ARL15: variants seen among roughly 807,000 people sequenced by gnomAD.
ARL15 encodes ADP-ribosylation factor-like protein 15.
Under a neutral mutation model 25.2 loss-of-function variants are expected in ARL15, and 19 were observed. That is an observed-to-expected ratio of 0.75 (90% CI 0.53 to 1.10). The LOEUF (loss-of-function observed/expected upper bound fraction) is 1.10, where lower values mean the gene tolerates loss of function less well. Ranked by LOEUF, ARL15 falls within the 50% of genes least tolerant of loss-of-function variation. The probability of loss-of-function intolerance (pLI) is 0.00; values close to 1 mark genes in which losing one functional copy is unlikely to be tolerated. For synonymous variants in ARL15, 94 were observed against 86.8 expected (o/e 1.08, Z -0.46); for missense variants, 220 against 246.0 (o/e 0.89, Z 0.71).
intron 4 of ARL15, among the ~76,000 whole-genome samples, chr5:54,021,071 C>G (rs1749586308): frequency 6.6e-6 from 1 of 152,206 alleles, no homozygotes. Context: ...CACAGTGGCT[C>G]ACGCCTGTAA....
intron 4 of ARL15, among the ~76,000 whole-genome samples, chr5:53,965,797 G>C (rs1428725584): frequency 1.3e-5 from 2 of 152,030 alleles, no homozygotes; most frequent in Non-Finnish European, 2.9e-5. Context: ...AAACATTTTA[G>C]AAACTTGTCT....
chr5:53,998,480 T>C (rs1748756281), intron 4 of ARL15, among the ~76,000 whole-genome samples: 1 of 152,142 alleles, frequency 6.6e-6, no homozygotes, highest in South Asian at 2.1e-4. Flanking sequence ...GTGGCTACTG[T>C]ATACAAGGCA....
chr5:54,172,953 T>C (rs1041989593), intron 1 of ARL15, among the ~76,000 whole-genome samples: 2 of 152,106 alleles, frequency 1.3e-5, no homozygotes, highest in African/African-American at 4.8e-5. Context: ...GCACAGTGGC[T>C]CAGGCCTGTA....
intron 1 of ARL15, chr5:54,307,887 C>T (rs1758799058): frequency 6.6e-6 from 1 of 152,158 alleles, no homozygotes; most frequent in South Asian, 2.1e-4. Context: ...AGGGAACTTA[C>T]TCTAATCCAT....
chr5:53,886,782 G>T, intron 4 of ARL15, 69 bp from the exon 5 acceptor site: 2 of 1,410,750 alleles, frequency 1.4e-6, no homozygotes. Flanking sequence ...TCAAAATTCT[G>T]AGGGATAAAG....
In ARL15 at chr5:54,154,385, TTA is replaced by T. The variant is rs1754158024; in HGVS notation, c.253+193_253+194del. On this transcript the variant is annotated intron_variant, in intron 3 of 4. Coordinates refer to ENST00000504924, the MANE Select transcript of ARL15 (RefSeq NM_019087.3). ...GATTCATTCAAAAAACCCCCAAAGT[TTA>T]TGTTACTTAGAACTCTTCAACAATT... is the stretch of plus-strand genomic sequence containing the variant. 7 of 446,514 alleles carry T rather than the reference TTA, an allele frequency of 1.6e-5. No individual in the cohort carries two copies. The South Asian group carries it at 3.0e-4, about 19-fold the overall frequency. 27.7% of individuals were successfully genotyped at this position (446,514 alleles called of 1,614,324 possible). A position where few individuals can be genotyped will look rare whatever the true frequency, so the allele number is the denominator to read the frequency against.
At chr5:54,033,194 T>A (rs938784725) in intron 4 of ARL15, among the ~76,000 whole-genome samples, 5 of 151,624 alleles carry the variant, frequency 3.3e-5, no homozygotes, top group Non-Finnish European at 7.4e-5. Flanking sequence ...ATGACTGTAA[T>A]CCCAGCTACT....
At chr5:54,194,679 TGAGGAGAG>T (rs138006794) in intron 1 of ARL15, among the ~76,000 whole-genome samples, 2 of 152,230 alleles carry the variant, frequency 1.3e-5, no homozygotes, top group Non-Finnish European at 2.9e-5. Context: ...TGTGGTAACG[TGAGGAGAG>T]GAGGGAGGTA....
intron 4 of ARL15, among the ~76,000 whole-genome samples, chr5:54,024,389 A>T (rs1462255548): frequency 6.6e-6 from 1 of 152,156 alleles, no homozygotes; most frequent in Non-Finnish European, 1.5e-5. Flanking sequence ...TGTGAAGAAA[A>T]CCAAATTCGT....
chr5:54,105,988 T>C (rs890244267), intron 4 of ARL15, among the ~76,000 whole-genome samples: 2 of 152,042 alleles, frequency 1.3e-5, no homozygotes, highest in African/African-American at 4.8e-5. Context: ...TTCTATAAGA[T>C]AAATATAAGC....
intron 4 of ARL15, among the ~76,000 whole-genome samples, chr5:53,988,131 A>G (rs1181999542): frequency 7.1e-6 from 1 of 140,966 alleles, no homozygotes; most frequent in Non-Finnish European, 1.6e-5. Flanking sequence ...AATAATAATG[A>G]TAATAATAAT....
intron 4 of ARL15, among the ~76,000 whole-genome samples, chr5:53,898,659 CT>C (rs1353591577): frequency 4.6e-5 from 7 of 151,796 alleles, no homozygotes; most frequent in Admixed American, 4.6e-4. Flanking sequence ...GCTGCCCCCC[CT>C]ACCCCCGACA....
intron 4 of ARL15, among the ~76,000 whole-genome samples, chr5:54,058,559 G>T (rs941953067): frequency 1.3e-4 from 20 of 152,154 alleles, no homozygotes; most frequent in African/African-American, 4.8e-4. Context: ...GTGCTATGAA[G>T]AAAGTCTTGA....
At chr5:53,926,978 C>G (rs1746051854) in intron 4 of ARL15, among the ~76,000 whole-genome samples, 1 of 151,426 alleles carries the variant, frequency 6.6e-6, no homozygotes, top group Non-Finnish European at 1.5e-5. Context: ...CCAAAAGCCT[C>G]TCTAGCCCCA....
At chr5:54,182,325 A>T (rs1755082881) in intron 1 of ARL15, among the ~76,000 whole-genome samples, 4 of 101,102 alleles carry the variant, frequency 4.0e-5, no homozygotes, top group Non-Finnish European at 5.8e-5. Flanking sequence ...TGATTTTTGT[A>T]TAAGGTGTAA....
At chr5:54,053,870 A>G (rs1026410599) in intron 4 of ARL15, among the ~76,000 whole-genome samples, 6 of 152,252 alleles carry the variant, frequency 3.9e-5, no homozygotes, top group African/African-American at 9.6e-5. Flanking sequence ...AAAAGCATAC[A>G]TAAAAACTAA....
At chr5:54,231,910 C>G (rs574417484) in intron 1 of ARL15, among the ~76,000 whole-genome samples, 1 of 152,142 alleles carries the variant, frequency 6.6e-6, no homozygotes, top group East Asian at 1.9e-4. Flanking sequence ...GGGGACAGAG[C>G]CTCAACATAT....
At chr5:54,297,759 C>G (rs1418688360) in intron 1 of ARL15, among the ~76,000 whole-genome samples, 4 of 152,306 alleles carry the variant, frequency 2.6e-5, no homozygotes, top group East Asian at 1.9e-4. Flanking sequence ...TCAGCCTCAT[C>G]AAGACCACCA....
At position 54,103,982 on chromosome 5, in the gene ARL15, A is replaced by G. The variant is rs115933063; in HGVS notation, c.462+9220T>C. 8.7e-4 allele frequency among the ~76,000 whole-genome samples: 132 copies of G among 152,298 alleles called. 1 individual carries two copies. The highest frequency in any genetic ancestry group is 3.2e-3 in the African/African-American group (132 of 41,568). ...CATTATGAACATTGCTGGTTCCCCC[A>G]GACTTCTGTAGTCTGGCTTTGCTGT... On this transcript the variant is annotated intron_variant, in intron 4 of 4. Transcript: ENST00000504924.
Sources: allele counts gnomAD v4.1 joint callset (sites outside exome capture counted in the v4.1 genomes callset), GRCh38; gene constraint gnomAD v4.1.1; transcripts MANE v1.5; gene names NCBI Gene and HGNC (gene_info 2026-07-23, HGNC 2026-07-21).